Variants in SORCS1 observed in about 807,000 individuals in gnomAD.
SORCS1 encodes VPS10 domain-containing receptor SorCS1.
A neutral mutation model predicts 146.1 loss-of-function variants in SORCS1; 60 were observed. That is an observed-to-expected ratio of 0.41 (90% CI 0.33 to 0.51). The LOEUF is 0.51. Among genes scored for constraint, SORCS1 ranks in the 20% least tolerant of loss-of-function variants. The probability of loss-of-function intolerance (pLI) is 0.21; values close to 1 mark genes in which losing one functional copy is unlikely to be tolerated. For synonymous variants in SORCS1, 637 were observed against 584.0 expected (o/e 1.09, Z -1.31); for missense variants, 1,352 against 1,487.6 (o/e 0.91, Z 1.50).
At chr10:106,786,691 C>T (rs1186078297) in intron 3 of SORCS1, among the ~76,000 whole-genome samples, 1 of 152,098 alleles carries the variant, frequency 6.6e-6, no homozygotes, top group Non-Finnish European at 1.5e-5. Context: ...CAAACACACA[C>T]ACACAGAAGC....
chr10:106,931,877 AAAAC>A (rs1419186258), intron 2 of SORCS1, among the ~76,000 whole-genome samples: 3 of 152,230 alleles, frequency 2.0e-5, no homozygotes, highest in African/African-American at 4.8e-5. Context: ...AGCAAAAAGA[AAAAC>A]AAAAGGGTAA....
chr10:106,772,266 T>A (rs1564640292), intron 4 of SORCS1, among the ~76,000 whole-genome samples: 1 of 152,254 alleles, frequency 6.6e-6, no homozygotes, highest in East Asian at 1.9e-4. Flanking sequence ...ACATCAGAGT[T>A]CCTGGTTCTC....
intron 4 of SORCS1, among the ~76,000 whole-genome samples, chr10:106,762,455 T>G (rs1341799542): frequency 7.0e-6 from 1 of 143,460 alleles, no homozygotes; most frequent in Admixed American, 7.2e-5. Context: ...TGCAGTGGTG[T>G]GACCTCGGCT....
intron 21 of SORCS1, among the ~76,000 whole-genome samples, chr10:106,617,041 G>T (rs1353731092): frequency 6.6e-6 from 1 of 151,330 alleles, no homozygotes; most frequent in Non-Finnish European, 1.5e-5. Flanking sequence ...TGCAGCCTCT[G>T]CCTCCTGGGT....
chr10:106,709,002 AG>A (rs1296767946), intron 7 of SORCS1, among the ~76,000 whole-genome samples: 1 of 152,156 alleles, frequency 6.6e-6, no homozygotes, highest in Non-Finnish European at 1.5e-5. Context: ...CTCTGGACAC[AG>A]CCCAAAGAAA....
the SORCS1 span, among the ~76,000 whole-genome samples, chr10:107,171,326 A>C: frequency 6.6e-6 from 1 of 152,182 alleles, no homozygotes; most frequent in Non-Finnish European, 1.5e-5. Context: ...GGATGGGATA[A>C]ACTACCACCT....
chr10:106,927,359 T>G (rs1256426723), intron 2 of SORCS1, among the ~76,000 whole-genome samples: 2 of 151,264 alleles, frequency 1.3e-5, no homozygotes, highest in African/African-American at 4.9e-5. Context: ...GCGTCTGGAG[T>G]TGTTCCTTCC....
chr10:106,939,407 A>C (rs1216949176), intron 2 of SORCS1, among the ~76,000 whole-genome samples: 1 of 152,238 alleles, frequency 6.6e-6, no homozygotes, highest in Non-Finnish European at 1.5e-5. Context: ...GGTCTGACTC[A>C]ATGTTCTCAT....
At chr10:107,074,239 C>T (rs1962690727) in intron 1 of SORCS1, among the ~76,000 whole-genome samples, 1 of 152,212 alleles carries the variant, frequency 6.6e-6, no homozygotes, top group Admixed American at 6.5e-5. Flanking sequence ...CATCTTTTTA[C>T]TGTCTCCATA....
intron 1 of SORCS1, among the ~76,000 whole-genome samples, chr10:107,123,805 T>C (rs906668953): frequency 2.0e-5 from 3 of 151,592 alleles, no homozygotes; most frequent in Non-Finnish European, 4.4e-5. Context: ...TTGCAAGGTG[T>C]GGTGGCTCAC....
chr10:106,668,827 G>A (rs549839451), intron 16 of SORCS1, among the ~76,000 whole-genome samples: 1 of 152,144 alleles, frequency 6.6e-6, no homozygotes, highest in Non-Finnish European at 1.5e-5. Flanking sequence ...TACGAATGCT[G>A]GAGAGGGACA....
At chr10:106,777,350 C>T (rs180732131) in intron 3 of SORCS1, among the ~76,000 whole-genome samples, 3 of 152,222 alleles carry the variant, frequency 2.0e-5, no homozygotes, top group Middle Eastern at 3.4e-3. Context: ...AAACCCTGTG[C>T]GAACAGAGAT....
chr10:107,024,174 A>C (rs1958284066), intron 1 of SORCS1, among the ~76,000 whole-genome samples: 2 of 8,502 alleles, frequency 2.4e-4, no homozygotes, highest in Non-Finnish European at 5.7e-4. Context: ...ATTCCATCTC[A>C]AAAAAAAAAA....
intron 2 of SORCS1, among the ~76,000 whole-genome samples, chr10:106,869,036 A>G (rs962202017): frequency 2.6e-5 from 4 of 152,232 alleles, no homozygotes; most frequent in Admixed American, 6.5e-5. Flanking sequence ...AGAAATAAAA[A>G]TAACCATCAG....
intron 1 of SORCS1, among the ~76,000 whole-genome samples, chr10:107,153,055 T>C (rs529149577): frequency 6.6e-6 from 1 of 152,240 alleles, no homozygotes; most frequent in African/African-American, 2.4e-5. Flanking sequence ...GTTCTTTCTC[T>C]TCCCTTCTCC....
chr10:106,974,803 A>C (rs1164727247), intron 1 of SORCS1, among the ~76,000 whole-genome samples: 2 of 152,230 alleles, frequency 1.3e-5, no homozygotes, highest in Non-Finnish European at 2.9e-5. Flanking sequence ...TCCCAGCTTT[A>C]CGCAGTTTTG....
chr10:107,135,833 AT>A (rs1410748837), intron 1 of SORCS1, among the ~76,000 whole-genome samples: 1 of 152,216 alleles, frequency 6.6e-6, no homozygotes, highest in Non-Finnish European at 1.5e-5. Flanking sequence ...TTAAAGTATT[AT>A]TAAAATCACA....
chr10:106,781,132 G>T (rs144960402), intron 3 of SORCS1, among the ~76,000 whole-genome samples: 5 of 152,032 alleles, frequency 3.3e-5, no homozygotes, highest in African/African-American at 1.2e-4. Flanking sequence ...CCTTCCAGTT[G>T]TCGTCTCCTG....
At chr10:106,952,199 C>A (rs1049104626) in intron 2 of SORCS1, among the ~76,000 whole-genome samples, 1 of 152,128 alleles carries the variant, frequency 6.6e-6, no homozygotes, top group African/African-American at 2.4e-5. Flanking sequence ...AGCTCTAGCA[C>A]CCGGTTAAAG....
Sources: allele counts gnomAD v4.1 joint callset (sites outside exome capture counted in the v4.1 genomes callset), GRCh38; gene constraint gnomAD v4.1.1; transcripts MANE v1.5; gene names NCBI Gene and HGNC (gene_info 2026-07-23, HGNC 2026-07-21).